Variants in OR2L13 observed in about 807,000 individuals in gnomAD.
OR2L13 encodes the protein olfactory receptor 2L13.
OR2L13 carries 14 observed loss-of-function variants against 15.3 expected under a neutral mutation model. The observed-to-expected ratio is 0.91, with a 90% confidence interval of 0.60 to 1.43. OR2L13 has a LOEUF of 1.43. Among genes scored for constraint, OR2L13 ranks in the 40% most tolerant of loss-of-function variants. The probability of loss-of-function intolerance (pLI) is 0.00; values close to 1 mark genes in which losing one functional copy is unlikely to be tolerated. For missense variants in OR2L13, 367 were observed against 387.9 expected (o/e 0.95, Z 0.45); for synonymous variants, 152 against 142.9 (o/e 1.06, Z -0.45).
At chr1:247,990,627 T>C in the OR2L13 span, 1 of 1,540,944 alleles carries the variant, frequency 6.5e-7, no homozygotes, top group Non-Finnish European at 9.0e-7. Context: ...TGGCCTATGA[T>C]CGTTATGTGG....
the OR2L13 span, among the ~76,000 whole-genome samples, chr1:248,007,194 A>G: frequency 6.6e-6 from 1 of 152,106 alleles, no homozygotes; most frequent in Non-Finnish European, 1.5e-5. Context: ...AACAATATGG[A>G]TGCCTTGTAC....
the OR2L13 span, among the ~76,000 whole-genome samples, chr1:247,960,584 G>C: frequency 6.6e-6 from 1 of 152,172 alleles, no homozygotes; most frequent in Admixed American, 6.5e-5. Context: ...GCGGTGGGCT[G>C]CACCCAGTTC....
At chr1:248,037,595 G>T in the OR2L13 span, among the ~76,000 whole-genome samples, 1 of 152,096 alleles carries the variant, frequency 6.6e-6, no homozygotes, top group Non-Finnish European at 1.5e-5. Flanking sequence ...TAATCTCTGT[G>T]TAAGAAAATA....
the OR2L13 span, chr1:248,045,820 A>T: frequency 6.6e-6 from 1 of 152,218 alleles, no homozygotes; most frequent in Non-Finnish European, 1.5e-5. Flanking sequence ...TTTACAACTA[A>T]TTGATCACAA....
chr1:247,972,818 A>T, the OR2L13 span, among the ~76,000 whole-genome samples: 1 of 152,188 alleles, frequency 6.6e-6, no homozygotes, highest in Admixed American at 6.5e-5. Context: ...GCAGAGACAC[A>T]ACAAAAAAAC....
the OR2L13 span, among the ~76,000 whole-genome samples, chr1:247,944,006 A>G: frequency 4.6e-5 from 7 of 152,060 alleles, no homozygotes; most frequent in African/African-American, 9.7e-5. Flanking sequence ...ATGAGAGTCT[A>G]TTTCTTGACT....
the OR2L13 span, among the ~76,000 whole-genome samples, chr1:248,072,687 G>T: frequency 6.6e-6 from 1 of 151,938 alleles, no homozygotes; most frequent in Admixed American, 6.6e-5. Flanking sequence ...AGAGTGAACA[G>T]GCAACCTACA....
the OR2L13 span, among the ~76,000 whole-genome samples, chr1:248,047,600 GCTTTTAA>G: frequency 6.6e-6 from 1 of 152,138 alleles, no homozygotes. Context: ...AGTGTTTTGT[GCTTTTAA>G]CTTTTACAAT....
upstream of OR2L13, among the ~76,000 whole-genome samples, chr1:248,091,390 TA>T (rs1664015433): frequency 6.7e-6 from 1 of 150,332 alleles, no homozygotes; most frequent in Admixed American, 6.6e-5. Context: ...TTTCCTAAGT[TA>T]TTTTTCAGAG....
the OR2L13 span, among the ~76,000 whole-genome samples, chr1:248,076,961 T>C: frequency 6.6e-6 from 1 of 152,224 alleles, no homozygotes; most frequent in Non-Finnish European, 1.5e-5. Flanking sequence ...CCATTCAATA[T>C]GATATTGGCT....
At chr1:248,055,401 C>T in the OR2L13 span, among the ~76,000 whole-genome samples, 2 of 148,794 alleles carry the variant, frequency 1.3e-5, no homozygotes, top group Non-Finnish European at 3.0e-5. Context: ...ACAAAGTTTT[C>T]TTTTTTTTTT....
the OR2L13 span, among the ~76,000 whole-genome samples, chr1:248,049,862 C>T: frequency 2.6e-5 from 4 of 151,776 alleles, no homozygotes; most frequent in Middle Eastern, 3.2e-3. Context: ...TATTAATGTA[C>T]GTTTATTTAT....
chr1:247,971,147 T>TA, the OR2L13 span, among the ~76,000 whole-genome samples: 14 of 152,186 alleles, frequency 9.2e-5, no homozygotes, highest in Non-Finnish European at 1.8e-4. Context: ...TCTCCAAAGA[T>TA]AAAAAAATTA....
chr1:248,089,876 A>T, the OR2L13 span, among the ~76,000 whole-genome samples: 44 of 152,296 alleles, frequency 2.9e-4, no homozygotes, highest in African/African-American at 1.1e-3. Context: ...TTTTTTAGAC[A>T]AAGCTTTACT....
the OR2L13 span, among the ~76,000 whole-genome samples, chr1:247,980,177 A>G: frequency 6.6e-6 from 1 of 152,156 alleles, no homozygotes; most frequent in South Asian, 2.1e-4. Flanking sequence ...TATACCCTAG[A>G]TAGTATTATA....
chr1:248,004,386 ATTC>A, the OR2L13 span, among the ~76,000 whole-genome samples: 1 of 152,216 alleles, frequency 6.6e-6, no homozygotes, highest in African/African-American at 2.4e-5. Context: ...TAGTATAACA[ATTC>A]TATTATTGTC....
chr1:248,077,333 G>A, the OR2L13 span, among the ~76,000 whole-genome samples: 1 of 152,150 alleles, frequency 6.6e-6, no homozygotes, highest in Admixed American at 6.5e-5. Flanking sequence ...CCAGGCTTTG[G>A]TATCAGGATG....
At chr1:247,992,787 C>T in the OR2L13 span, among the ~76,000 whole-genome samples, 4 of 148,936 alleles carry the variant, frequency 2.7e-5, no homozygotes, top group Admixed American at 2.0e-4. Flanking sequence ...TTGATGGGCA[C>T]CTAGGTTGAT....
At chr1:247,973,540 A>T in the OR2L13 span, among the ~76,000 whole-genome samples, 1 of 152,166 alleles carries the variant, frequency 6.6e-6, no homozygotes, top group Middle Eastern at 3.2e-3. Flanking sequence ...TGCTACAAAG[A>T]AAATAAAATA....
Sources: gnomAD v4.1 joint callset for allele counts (sites outside exome capture counted in the v4.1 genomes callset) on GRCh38, gnomAD v4.1.1 for gene constraint, MANE v1.5 for transcripts, NCBI Gene and HGNC (gene_info 2026-07-23, HGNC 2026-07-21) for gene names.